Variants in NREP observed in about 807,000 individuals in gnomAD.
The protein encoded by NREP is neuronal regeneration related protein.
NREP carries 5 observed loss-of-function variants against 8.6 expected under a neutral mutation model. The observed-to-expected ratio is 0.58, with a 90% CI of 0.30 to 1.22. NREP has a LOEUF of 1.22. NREP is among the 50% of genes most tolerant of loss of function. The probability of loss-of-function intolerance (pLI) is 0.07; values close to 1 mark genes in which losing one functional copy is unlikely to be tolerated. For synonymous variants in NREP, 27 were observed against 28.0 expected, an observed-to-expected ratio of 0.96 and a Z score of 0.11; for missense variants, 86 against 82.5, an observed-to-expected ratio of 1.04 and a Z score of -0.17.
rs187757889 is a variant in NREP, at chr5:111,821,068, C to T, written c.136-85561G>A. Among the ~76,000 whole-genome samples the T allele has an allele frequency of 5.5e-4, 84 of 152,226 alleles. 2 individuals are homozygous for T. The highest frequency in any genetic ancestry group is 2.7e-3 in the Admixed American group (42 of 15,284). On this transcript the variant is annotated intron_variant, in intron 2 of 3. Transcript: ENST00000395634. ...GTGTTCTTCAAAAGCACACCAAGTG[C>T]ATTCTGATATATAATTAGGTTAGAG...
intron 2 of NREP, among the ~76,000 whole-genome samples, chr5:111,774,649 G>C (rs1405337221): frequency 1.3e-5 from 2 of 152,182 alleles, no homozygotes; most frequent in Non-Finnish European, 2.9e-5. Context: ...AGAGCTGAGA[G>C]AGGCTCCTGG....
intron 2 of NREP, among the ~76,000 whole-genome samples, chr5:111,882,775 C>G (rs1361898072): frequency 1.3e-5 from 2 of 152,100 alleles, no homozygotes; most frequent in Admixed American, 6.5e-5. Flanking sequence ...CAAGCAAATG[C>G]TGAGAGATTT....
At chr5:111,885,467 A>AG in intron 2 of NREP, among the ~76,000 whole-genome samples, 1 of 152,162 alleles carries the variant, frequency 6.6e-6, no homozygotes, top group Admixed American at 6.5e-5. Context: ...CAGAATTGGA[A>AG]AAAACTACTT....
chr5:111,965,048 T>C (rs1400141247), intron 2 of NREP, among the ~76,000 whole-genome samples: 1 of 152,110 alleles, frequency 6.6e-6, no homozygotes, highest in Non-Finnish European at 1.5e-5. Context: ...CATCTTCCAC[T>C]GTGCCATCCT....
intron 2 of NREP, among the ~76,000 whole-genome samples, chr5:111,907,940 C>A (rs962215460): frequency 6.6e-5 from 10 of 151,914 alleles, no homozygotes; most frequent in Admixed American, 6.6e-5. Flanking sequence ...GGCATTTAAA[C>A]ATTGGTTGAG....
chr5:111,735,125 T>G, intron 3 of NREP: 1 of 320,510 alleles, frequency 3.1e-6, no homozygotes, highest in African/African-American at 2.1e-5. Context: ...AGTTTGATCA[T>G]TGTATTTGAG....
intron 2 of NREP, among the ~76,000 whole-genome samples, chr5:111,865,944 T>C (rs1753653922): frequency 6.6e-6 from 1 of 152,118 alleles, no homozygotes; most frequent in African/African-American, 2.4e-5. Context: ...CAACAATGCA[T>C]AAAAACTAAT....
chr5:111,779,298 A>T (rs1221574550), intron 2 of NREP, among the ~76,000 whole-genome samples: 13 of 152,168 alleles, frequency 8.5e-5, no homozygotes, highest in Middle Eastern at 3.4e-3. Context: ...GGCTTTCTGG[A>T]ACTTCACTTC....
chr5:111,968,859 C>T (rs564977470), intron 2 of NREP, among the ~76,000 whole-genome samples: 1 of 152,300 alleles, frequency 6.6e-6, no homozygotes, highest in South Asian at 2.1e-4. Context: ...AAAACAAAGT[C>T]ATAACCCCTC....
At chr5:111,754,889 G>A (rs574011162) in intron 2 of NREP, among the ~76,000 whole-genome samples, 1 of 152,046 alleles carries the variant, frequency 6.6e-6, no homozygotes, top group African/African-American at 2.4e-5. Flanking sequence ...TTCCACCCTC[G>A]TTTCAAAGAA....
chr5:111,817,071 T>C (rs1263583824), intron 2 of NREP, among the ~76,000 whole-genome samples: 1 of 152,168 alleles, frequency 6.6e-6, no homozygotes, highest in East Asian at 1.9e-4. Flanking sequence ...CTATTTAAAC[T>C]TTCATTTTCT....
chr5:111,842,141 C>G (rs1050634296), intron 2 of NREP, among the ~76,000 whole-genome samples: 3 of 152,130 alleles, frequency 2.0e-5, no homozygotes, highest in African/African-American at 4.8e-5. Flanking sequence ...CCTTGATGCA[C>G]CTACCAACAC....
chr5:111,915,505 G>A (rs912926108), intron 2 of NREP, among the ~76,000 whole-genome samples: 20 of 151,878 alleles, frequency 1.3e-4, no homozygotes, highest in African/African-American at 3.4e-4. Context: ...CTTGGAAACC[G>A]GAACTCAAAA....
intron 2 of NREP, among the ~76,000 whole-genome samples, chr5:111,951,708 A>T (rs13188104): frequency 1.1e-4 from 16 of 151,850 alleles, no homozygotes; most frequent in African/African-American, 3.6e-4. Context: ...CCCCTCAATA[A>T]TATAAAAATA....
chr5:111,826,047 G>T (rs764711582), intron 2 of NREP, among the ~76,000 whole-genome samples: 1 of 151,310 alleles, frequency 6.6e-6, no homozygotes, highest in Admixed American at 6.6e-5. Flanking sequence ...TCCGCCTACC[G>T]TGTTCAAGCG....
chr5:111,964,704 G>A (rs1392599409), intron 2 of NREP, among the ~76,000 whole-genome samples: 1 of 151,756 alleles, frequency 6.6e-6, no homozygotes, highest in Non-Finnish European at 1.5e-5. Context: ...GCTGTGTCCA[G>A]TTTGGCTCTA....
chr5:111,832,159 G>A (rs999835335), intron 2 of NREP, among the ~76,000 whole-genome samples: 45 of 152,126 alleles, frequency 3.0e-4, no homozygotes, highest in African/African-American at 1.1e-3. Context: ...GGCCTCTGGG[G>A]AAGGAAAACC....
intron 2 of NREP, among the ~76,000 whole-genome samples, chr5:111,965,313 C>G (rs1756613075): frequency 6.6e-6 from 1 of 152,090 alleles, no homozygotes; most frequent in Admixed American, 6.6e-5. Flanking sequence ...TCATCTAAGC[C>G]AATTAAAATA....
intron 2 of NREP, among the ~76,000 whole-genome samples, chr5:111,802,381 A>C (rs1752034170): frequency 6.6e-6 from 1 of 152,184 alleles, no homozygotes; most frequent in Non-Finnish European, 1.5e-5. Flanking sequence ...CAAATTGTTA[A>C]AGACTTTTAG....
Sources: allele counts gnomAD v4.1 joint callset (sites outside exome capture counted in the v4.1 genomes callset), GRCh38; gene constraint gnomAD v4.1.1; transcripts MANE v1.5; gene names NCBI Gene and HGNC (gene_info 2026-07-23, HGNC 2026-07-21).